Variants in MRTFB observed in about 807,000 individuals in gnomAD.
The protein encoded by MRTFB is myocardin related transcription factor B, also known as myocardin-related transcription factor B.
In MRTFB, 29 loss-of-function variants were observed where a neutral mutation model predicts 104.2. That is an observed-to-expected ratio of 0.28 (90% CI 0.21 to 0.38). The LOEUF (loss-of-function observed/expected upper bound fraction) is 0.38. Ranked by LOEUF, MRTFB falls within the 10% of genes least tolerant of loss-of-function variation. The probability of loss-of-function intolerance (pLI) is 1.00; values close to 1 mark genes in which losing one functional copy is unlikely to be tolerated. For missense variants in MRTFB, 1,270 were observed against 1,341.6 expected (o/e 0.95, Z 0.83); for synonymous variants, 535 against 519.5 (o/e 1.03, Z -0.41).
intron 2 of MRTFB, among the ~76,000 whole-genome samples, chr16:14,095,682 A>G (rs2035321313): frequency 6.6e-6 from 1 of 152,232 alleles, no homozygotes; most frequent in African/African-American, 2.4e-5. Context: ...CATTTTAACT[A>G]TCAGCTGTTG....
intron 2 of MRTFB, among the ~76,000 whole-genome samples, chr16:14,126,520 T>C (rs148072242): frequency 1.4e-4 from 22 of 152,296 alleles, no homozygotes; most frequent in African/African-American, 4.8e-4. Flanking sequence ...TTTTTAAAAA[T>C]AATAATGTTA....
the MRTFB span, among the ~76,000 whole-genome samples, chr16:14,051,361 A>G: frequency 0.014 from 2,184 of 152,174 alleles, 57 homozygotes; most frequent in African/African-American, 0.05. Context: ...ATACATACCT[A>G]TAGGCATACA....
At chr16:14,057,035 C>A in the MRTFB span, among the ~76,000 whole-genome samples, 1 of 152,202 alleles carries the variant, frequency 6.6e-6, no homozygotes, top group African/African-American at 2.4e-5. Context: ...GGATGCAACA[C>A]TGAATGCTAG....
At chr16:14,255,768 T>C (rs928967238) in intron 15 of MRTFB, among the ~76,000 whole-genome samples, 1 of 152,120 alleles carries the variant, frequency 6.6e-6, no homozygotes, top group African/African-American at 2.4e-5. Context: ...GGATATGTAT[T>C]GCATATCTAT....
intron 15 of MRTFB, among the ~76,000 whole-genome samples, chr16:14,257,562 A>G (rs2043552689): frequency 6.6e-6 from 1 of 151,984 alleles, no homozygotes; most frequent in Non-Finnish European, 1.5e-5. Flanking sequence ...GAAAGCAAAC[A>G]GATCCGGGGG....
At chr16:14,073,750 A>G (rs565876061) in intron 1 of MRTFB, among the ~76,000 whole-genome samples, 1 of 152,326 alleles carries the variant, frequency 6.6e-6, no homozygotes, top group South Asian at 2.1e-4. Context: ...TAGTGTAATC[A>G]CCCTTTAAAT....
chr16:14,212,550 G>A (rs2041238704), intron 5 of MRTFB, 141 bp downstream of exon 5: 1 of 742,142 alleles, frequency 1.3e-6, no homozygotes, highest in African/African-American at 1.8e-5. Flanking sequence ...ATGGCATAGA[G>A]AATATTTACT....
chr16:14,051,490 C>A, the MRTFB span, among the ~76,000 whole-genome samples: 1 of 152,120 alleles, frequency 6.6e-6, no homozygotes, highest in African/African-American at 2.4e-5. Context: ...CACATACAGA[C>A]ACAATCAAAG....
At chr16:14,108,749 G>T (rs7188521) in intron 2 of MRTFB, among the ~76,000 whole-genome samples, 35,331 of 152,150 alleles carry the variant, frequency 0.23, 7,725 homozygotes, top group African/African-American at 0.57. Flanking sequence ...AAAAGCTGTA[G>T]TTATTGGTGA....
intron 3 of MRTFB, among the ~76,000 whole-genome samples, chr16:14,175,319 C>T (rs1277547670): frequency 6.6e-6 from 1 of 152,188 alleles, no homozygotes. Flanking sequence ...ATAATCCATT[C>T]CTCTTTCCAT....
At chr16:14,229,841 C>T (rs149208859) in intron 8 of MRTFB, among the ~76,000 whole-genome samples, 70 of 152,120 alleles carry the variant, frequency 4.6e-4, no homozygotes, top group African/African-American at 1.6e-3. Flanking sequence ...ATCTGGCCCT[C>T]GTGAGACCTG....
At chr16:14,139,381 G>A (rs1306084618) in intron 2 of MRTFB, among the ~76,000 whole-genome samples, 1 of 152,170 alleles carries the variant, frequency 6.6e-6, no homozygotes, top group Non-Finnish European at 1.5e-5. Context: ...GCCCATTAAA[G>A]TGACTGAAAT....
chr16:14,134,872 C>A (rs1597015200), intron 2 of MRTFB, among the ~76,000 whole-genome samples: 1 of 152,244 alleles, frequency 6.6e-6, no homozygotes, highest in East Asian at 1.9e-4. Context: ...TCTTTCCAAG[C>A]CTTGGCTTTC....
chr16:14,035,469 T>A, the MRTFB span, among the ~76,000 whole-genome samples: 1 of 152,186 alleles, frequency 6.6e-6, no homozygotes, highest in Non-Finnish European at 1.5e-5. Context: ...TCTTGGCTTT[T>A]GATAGGAGTA....
At chr16:14,098,215 G>A (rs2035502272) in intron 2 of MRTFB, among the ~76,000 whole-genome samples, 1 of 152,142 alleles carries the variant, frequency 6.6e-6, no homozygotes, top group African/African-American at 2.4e-5. Flanking sequence ...CAGTACATGA[G>A]AATTCCAGTT....
chr16:14,261,518 T>A lies in MRTFB; in HGVS notation c.*74T>A. 3 of 1,388,876 alleles carry A rather than the reference T, an allele frequency of 2.2e-6. No homozygotes were observed. Among genetic ancestry groups the A allele is most frequent in the Non-Finnish European group, 2.9e-6 (3 of 1,020,514 alleles). 86.0% of individuals were successfully genotyped at this position (1,388,876 alleles called of 1,614,324 possible). A position where few individuals can be genotyped will look rare whatever the true frequency, so the allele number is the denominator to read the frequency against. ...ATTCTAAAAGGTCAGTTTTTAGAGA[T>A]AGATCTATAGTTGCATTGTTGCAAT... On this transcript the variant is annotated 3_prime_UTR_variant, in exon 17 of 17. Coordinates refer to ENST00000571589, the MANE Select transcript of MRTFB (RefSeq NM_001308142.2).
At chr16:14,090,908 G>A (rs183102749) in intron 2 of MRTFB, among the ~76,000 whole-genome samples, 1 of 151,836 alleles carries the variant, frequency 6.6e-6, no homozygotes, top group African/African-American at 2.4e-5. Context: ...GTGTGTGTGT[G>A]TGTGTGTGTG....
At chr16:14,147,721 T>C (rs1475845623) in intron 3 of MRTFB, among the ~76,000 whole-genome samples, 1 of 152,024 alleles carries the variant, frequency 6.6e-6, no homozygotes, top group African/African-American at 2.4e-5. Flanking sequence ...AATGAGGGGG[T>C]GGATGAAGCT....
At chr16:14,257,729 A>G (rs1322154889) in intron 15 of MRTFB, among the ~76,000 whole-genome samples, 1 of 152,238 alleles carries the variant, frequency 6.6e-6, no homozygotes, top group African/African-American at 2.4e-5. Flanking sequence ...TATGTCAGGT[A>G]AATCTCAATA....
Sources: allele counts gnomAD v4.1 joint callset (sites outside exome capture counted in the v4.1 genomes callset), GRCh38; gene constraint gnomAD v4.1.1; transcripts MANE v1.5; gene names NCBI Gene and HGNC (gene_info 2026-07-23, HGNC 2026-07-21).